The following GLIS3 variants were observed in gnomAD, a reference collection of about 807,000 sequenced individuals.
GLIS3 encodes GLIS family zinc finger 3, also known as zinc finger protein GLIS3.
GLIS3 carries 53 observed loss-of-function variants against 78.6 expected under a neutral mutation model. The observed-to-expected ratio is 0.67, with a 90% CI of 0.54 to 0.85. The LOEUF (loss-of-function observed/expected upper bound fraction) is 0.85. GLIS3 is among the 40% of genes least tolerant of loss of function. GLIS3 has a pLI of 0.00. For synonymous variants in GLIS3, 684 were observed against 509.9 expected (o/e 1.34, Z -4.60); for missense variants, 1,703 against 1,231.1 (o/e 1.38, Z -5.74).
At chr9:4,293,503 GATT>G (rs1816206168) in intron 1 of GLIS3, among the ~76,000 whole-genome samples, 1 of 152,224 alleles carries the variant, frequency 6.6e-6, no homozygotes, top group African/African-American at 2.4e-5. Context: ...TTATTAAAAA[GATT>G]TTTTGAAAAC....
chr9:3,969,632 C>G (rs1818228469), intron 4 of GLIS3, among the ~76,000 whole-genome samples: 1 of 152,164 alleles, frequency 6.6e-6, no homozygotes, highest in African/African-American at 2.4e-5. Flanking sequence ...CCCAGGATAG[C>G]TCTTTGATTC....
chr9:3,832,665 A>T (rs897374118), intron 9 of GLIS3, among the ~76,000 whole-genome samples: 1 of 152,222 alleles, frequency 6.6e-6, no homozygotes, highest in Non-Finnish European at 1.5e-5. Context: ...CAGTATCATC[A>T]GGAGGAAAAC....
At chr9:4,218,253 A>C (rs183849041) in intron 2 of GLIS3, among the ~76,000 whole-genome samples, 3 of 152,262 alleles carry the variant, frequency 2.0e-5, no homozygotes, top group African/African-American at 7.2e-5. Flanking sequence ...TCTCCACTGC[A>C]ACCACCATGG....
chr9:4,331,668 G>C lies in GLIS3; in HGVS notation n.264+15413C>G, dbSNP rs190208685. Reference sequence around the variant, plus strand: ...ACACAATGATGATAGAGTATGATGGGTTATGACGAAGAAATATGATGAAGG... The same window carrying C: ...ACACAATGATGATAGAGTATGATGGCTTATGACGAAGAAATATGATGAAGG... On this transcript the variant is annotated intron_variant and non_coding_transcript_variant, in intron 2 of 4. Coordinates refer to the GLIS3 transcript ENST00000471664. 2.0e-5 allele frequency among the ~76,000 whole-genome samples: 3 copies of C among 152,300 alleles called. No individual in the cohort carries two copies. The East Asian group carries it at 5.8e-4, about 29-fold the overall frequency.
intron 9 of GLIS3, among the ~76,000 whole-genome samples, chr9:3,837,750 C>T (rs1027286765): frequency 2.0e-5 from 3 of 152,164 alleles, no homozygotes; most frequent in African/African-American, 4.8e-5. Flanking sequence ...AGTATAAGTC[C>T]GTGGTTTCCA....
intron 2 of GLIS3, among the ~76,000 whole-genome samples, chr9:4,186,561 G>A (rs1423385638): frequency 3.1e-4 from 47 of 151,638 alleles, no homozygotes; most frequent in Non-Finnish European, 1.2e-4. Context: ...CTAGATCCCT[G>A]AGGAATCGCC....
chr9:3,995,513 A>C (rs896106946), intron 4 of GLIS3, among the ~76,000 whole-genome samples: 4 of 152,168 alleles, frequency 2.6e-5, no homozygotes, highest in African/African-American at 9.6e-5. Flanking sequence ...GCTATGTGTA[A>C]GTATGGAAAT....
At chr9:4,273,898 C>T (rs552254415) in intron 2 of GLIS3, among the ~76,000 whole-genome samples, 3 of 152,170 alleles carry the variant, frequency 2.0e-5, no homozygotes, top group South Asian at 2.1e-4. Context: ...TGTCCCATTT[C>T]GTACCCTGCC....
At chr9:4,430,555 G>C in the GLIS3 span, among the ~76,000 whole-genome samples, 1 of 152,156 alleles carries the variant, frequency 6.6e-6, no homozygotes, top group Non-Finnish European at 1.5e-5. Flanking sequence ...CCATGAAACT[G>C]AGAAGCTAAG....
the GLIS3 span, among the ~76,000 whole-genome samples, chr9:4,369,484 G>A: frequency 6.6e-6 from 1 of 152,180 alleles, no homozygotes; most frequent in South Asian, 2.1e-4. Context: ...ACTTCTACCT[G>A]TAAGTTCCAC....
intron 4 of GLIS3, among the ~76,000 whole-genome samples, chr9:4,063,514 T>C (rs180916316): frequency 2.0e-4 from 30 of 151,848 alleles, no homozygotes; most frequent in African/African-American, 5.8e-4. Flanking sequence ...ATTGTCTCAA[T>C]AGAGCTTTTA....
chr9:4,068,254 A>G (rs1004949173), intron 4 of GLIS3, among the ~76,000 whole-genome samples: 1 of 151,638 alleles, frequency 6.6e-6, no homozygotes, highest in African/African-American at 2.4e-5. Flanking sequence ...TTAAATCATA[A>G]TAATCAAATC....
chr9:4,195,200 G>A lies in GLIS3; in HGVS notation c.389-69259C>T, dbSNP rs567681407. Among the ~76,000 whole-genome samples, 6 of 152,344 alleles carry A rather than the reference G, an allele frequency of 3.9e-5. No individual in the cohort carries two copies. In the East Asian group the frequency reaches 5.8e-4, roughly 15 times the overall value. ...CGGCCTCGGCGTCTGCTCTGGCCAC[G>A]CTTGAGGAGCCCTTCAGCCCACCAC... On this transcript the variant is annotated intron_variant, in intron 2 of 10. Transcript: ENST00000381971.
At chr9:4,184,624 C>A (rs191673184) in intron 2 of GLIS3, among the ~76,000 whole-genome samples, 58 of 152,312 alleles carry the variant, frequency 3.8e-4, no homozygotes, top group Non-Finnish European at 5.9e-5. Flanking sequence ...GCACCCAACC[C>A]AGGTTGGTAC....
At chr9:4,137,644 T>G (rs1833497023) in intron 2 of GLIS3, among the ~76,000 whole-genome samples, 1 of 152,138 alleles carries the variant, frequency 6.6e-6, no homozygotes, top group Non-Finnish European at 1.5e-5. Context: ...CAAAGATAAA[T>G]TAAGCAATAT....
chr9:4,378,462 G>C, the GLIS3 span, among the ~76,000 whole-genome samples: 1 of 151,970 alleles, frequency 6.6e-6, no homozygotes, highest in East Asian at 1.9e-4. Flanking sequence ...AGCTTTTCCT[G>C]ACTCTGGGAA....
intron 4 of GLIS3, among the ~76,000 whole-genome samples, chr9:3,967,461 C>T (rs1266733050): frequency 6.6e-6 from 1 of 151,920 alleles, no homozygotes; most frequent in African/African-American, 2.4e-5. Context: ...CAAGATCGGG[C>T]CATTGCACTC....
chr9:3,829,545 A>G, intron 9 of GLIS3, 53 bp from the exon 10 acceptor site: 2 of 1,594,548 alleles, frequency 1.3e-6, no homozygotes, highest in Non-Finnish European at 1.7e-6. Context: ...CAAGTTCCAC[A>G]GATCATTCCA....
At chr9:4,048,425 G>A (rs1220574957) in intron 4 of GLIS3, among the ~76,000 whole-genome samples, 1 of 151,914 alleles carries the variant, frequency 6.6e-6, no homozygotes, top group African/African-American at 2.4e-5. Context: ...TATTATATGG[G>A]GCTATCATAT....
Sources: gnomAD v4.1 joint callset for allele counts (sites outside exome capture counted in the v4.1 genomes callset) on GRCh38, gnomAD v4.1.1 for gene constraint, MANE v1.5 for transcripts, NCBI Gene and HGNC (gene_info 2026-07-23, HGNC 2026-07-21) for gene names.